The following BBS9 variants were observed in gnomAD, a reference collection of about 807,000 sequenced individuals.
The protein encoded by BBS9 is protein PTHB1.
In BBS9, 89 loss-of-function variants were observed where a neutral mutation model predicts 117.7. The observed-to-expected ratio is 0.76, with a 90% CI of 0.64 to 0.90. The LOEUF is 0.90. BBS9 is among the 40% of genes least tolerant of loss of function. The pLI, the probability that BBS9 is intolerant of heterozygous loss-of-function variation, is 0.00. For synonymous variants in BBS9, 379 were observed against 370.9 expected (o/e 1.02, Z -0.25); for missense variants, 982 against 1,042.2 (o/e 0.94, Z 0.80).
intron 5 of BBS9, among the ~76,000 whole-genome samples, chr7:33,221,865 A>C (rs1382557237): frequency 2.0e-5 from 3 of 152,118 alleles, no homozygotes; most frequent in African/African-American, 7.2e-5. Context: ...TACTTAAAAA[A>C]TCATATATGT....
intron 17 of BBS9, among the ~76,000 whole-genome samples, chr7:33,382,468 A>C (rs1825242208): frequency 6.6e-6 from 1 of 152,074 alleles, no homozygotes; most frequent in South Asian, 2.1e-4. Context: ...TCAAAAAAAA[A>C]AAAAAAAAAG....
chr7:33,273,467 CT>C, intron 8 of BBS9, among the ~76,000 whole-genome samples: 1 of 152,154 alleles, frequency 6.6e-6, no homozygotes, highest in Non-Finnish European at 1.5e-5. Context: ...ATTCAAGATG[CT>C]TTCAAGAGAA....
chr7:33,532,355 T>C (rs986187664), intron 20 of BBS9, among the ~76,000 whole-genome samples: 1 of 152,310 alleles, frequency 6.6e-6, no homozygotes, highest in Admixed American at 6.5e-5. Flanking sequence ...TTTAGGAGTT[T>C]GTATTAGTCT....
intron 21 of BBS9, among the ~76,000 whole-genome samples, chr7:33,564,944 G>A (rs1041892433): frequency 7.2e-5 from 11 of 151,990 alleles, no homozygotes; most frequent in Non-Finnish European, 1.3e-4. Flanking sequence ...AACATCAAAA[G>A]GAAATATTTA....
chr7:33,391,639 A>C (rs899451416), intron 19 of BBS9, among the ~76,000 whole-genome samples: 1 of 152,174 alleles, frequency 6.6e-6, no homozygotes, highest in African/African-American at 2.4e-5. Flanking sequence ...TTCACATGTT[A>C]ATTGGCCATT....
chr7:33,139,606 C>A (rs1791119227), intron 1 of BBS9, among the ~76,000 whole-genome samples: 1 of 151,226 alleles, frequency 6.6e-6, no homozygotes, highest in Admixed American at 6.6e-5. Context: ...CATTCATTAT[C>A]ATTGACAGAA....
At chr7:33,620,680 AT>A (rs772593772) in intron 21 of BBS9, among the ~76,000 whole-genome samples, 58 of 152,134 alleles carry the variant, frequency 3.8e-4, no homozygotes, top group Non-Finnish European at 7.1e-4. Context: ...TGGTCTATAG[AT>A]TCAATACAAA....
chr7:33,232,733 A>G (rs1259291478), intron 5 of BBS9, among the ~76,000 whole-genome samples: 1 of 152,040 alleles, frequency 6.6e-6, no homozygotes, highest in African/African-American at 2.4e-5. Flanking sequence ...AAACCTTTCA[A>G]CTGTTCATGT....
chr7:33,379,471 A>G (rs1824540515), intron 17 of BBS9, among the ~76,000 whole-genome samples: 1 of 152,134 alleles, frequency 6.6e-6, no homozygotes, highest in Non-Finnish European at 1.5e-5. Flanking sequence ...AGTTTTTTCT[A>G]TCTGCATGTG....
At chr7:33,534,385 T>C in intron 21 of BBS9, 2 of 613,008 alleles carry the variant, frequency 3.3e-6, no homozygotes, top group Non-Finnish European at 5.8e-6. Flanking sequence ...CAGAATGGTA[T>C]GTCTTTTTTC....
intron 20 of BBS9, among the ~76,000 whole-genome samples, chr7:33,528,716 G>T (rs941197157): frequency 2.0e-5 from 3 of 152,204 alleles, no homozygotes; most frequent in African/African-American, 7.2e-5. Context: ...ACCCTAGAGA[G>T]ATTAAATGAG....
intron 5 of BBS9, among the ~76,000 whole-genome samples, chr7:33,213,704 T>G (rs544590138): frequency 6.6e-4 from 101 of 152,068 alleles, no homozygotes; most frequent in Non-Finnish European, 1.4e-3. Context: ...TAATGAATCC[T>G]GCTAAGACTG....
intron 21 of BBS9, among the ~76,000 whole-genome samples, chr7:33,574,148 A>G (rs763037236): frequency 1.3e-5 from 2 of 152,130 alleles, no homozygotes; most frequent in Non-Finnish European, 2.9e-5. Flanking sequence ...ACACCACATC[A>G]TCTTTCCTTT....
chr7:33,221,833 A>C (rs567283713), intron 5 of BBS9, among the ~76,000 whole-genome samples: 1 of 152,274 alleles, frequency 6.6e-6, no homozygotes, highest in South Asian at 2.1e-4. Flanking sequence ...AAAGTATTTC[A>C]TGTCAAAAAT....
intron 5 of BBS9, among the ~76,000 whole-genome samples, chr7:33,188,503 T>C (rs1783534850): frequency 6.6e-6 from 1 of 152,080 alleles, no homozygotes; most frequent in African/African-American, 2.4e-5. Flanking sequence ...TCTTCAAGAG[T>C]ACTATGACTA....
At chr7:33,202,885 A>G (rs1307405796) in intron 5 of BBS9, among the ~76,000 whole-genome samples, 1 of 152,222 alleles carries the variant, frequency 6.6e-6, no homozygotes, top group East Asian at 1.9e-4. Flanking sequence ...AGAAAGAATC[A>G]GCATCTGAGA....
intron 2 of BBS9, among the ~76,000 whole-genome samples, chr7:33,150,752 G>A (rs572285270): frequency 6.6e-6 from 1 of 152,300 alleles, no homozygotes; most frequent in South Asian, 2.1e-4. Flanking sequence ...AGAATGTGTA[G>A]GTGGCTATGA....
chr7:33,593,189 G>C (rs1442653504), intron 21 of BBS9, among the ~76,000 whole-genome samples: 1 of 152,132 alleles, frequency 6.6e-6, no homozygotes, highest in South Asian at 2.1e-4. Context: ...TGAAGAATTA[G>C]TTGAAAGACA....
At chr7:33,425,853 T>C (rs1469773723) in intron 19 of BBS9, among the ~76,000 whole-genome samples, 1 of 152,232 alleles carries the variant, frequency 6.6e-6, no homozygotes, top group African/African-American at 2.4e-5. Context: ...ACTTATGAGA[T>C]CCAGCTTGAC....
Sources: allele counts gnomAD v4.1 joint callset (sites outside exome capture counted in the v4.1 genomes callset), GRCh38; gene constraint gnomAD v4.1.1; transcripts MANE v1.5; gene names NCBI Gene and HGNC (gene_info 2026-07-23, HGNC 2026-07-21).